Variants in KIF26B observed in about 807,000 individuals in gnomAD.
The protein encoded by KIF26B is kinesin family member 26B, also known as kinesin-like protein KIF26B.
A neutral mutation model predicts 151.2 loss-of-function variants in KIF26B; 63 were observed. That is an observed-to-expected ratio of 0.42 (90% CI 0.34 to 0.51). The LOEUF (loss-of-function observed/expected upper bound fraction) is 0.51. Among genes scored for constraint, KIF26B ranks in the 20% least tolerant of loss-of-function variants. The pLI, the probability that KIF26B is intolerant of heterozygous loss-of-function variation, is 0.07. For synonymous variants in KIF26B, 1,357 were observed against 1,262.1 expected, an observed-to-expected ratio of 1.08 and a Z score of -1.59; for missense variants, 2,813 against 2,913.6, an observed-to-expected ratio of 0.97 and a Z score of 0.79.
At chr1:245,200,835 A>T (rs1280127780) in intron 2 of KIF26B, among the ~76,000 whole-genome samples, 1 of 152,198 alleles carries the variant, frequency 6.6e-6, no homozygotes, top group East Asian at 1.9e-4. Context: ...ACGTTCTTAA[A>T]ATCACAATGT....
chr1:245,609,457 G>T lies in KIF26B; in HGVS notation c.1843G>T (p.Ala615Ser), dbSNP rs1373603059. The T allele has an allele frequency of 3.7e-6, 6 of 1,603,478 alleles. No homozygotes were observed. Among genetic ancestry groups the T allele is most frequent in the Non-Finnish European group, 5.1e-6 (6 of 1,175,070 alleles). The change falls in exon 8 of 15, where the codon GCC (alanine) becomes TCC (serine). Residue 615 changes from alanine (A) to serine (S), a missense_variant. By Grantham distance (99) the Ala-to-Ser change is moderately conservative. Transcript: ENST00000407071. ...ENLRDLLSEV[A>S]TGSLQDGQSP... ...CCTGCGGGACCTGCTGTCGGAGGTGGCCACGGGCAGCCTGCAGGACGGCCA... is the reference window on the plus strand; with the variant it reads ...CCTGCGGGACCTGCTGTCGGAGGTGTCCACGGGCAGCCTGCAGGACGGCCA...
At chr1:245,163,067 A>G (rs1329844986) in intron 2 of KIF26B, among the ~76,000 whole-genome samples, 5 of 152,182 alleles carry the variant, frequency 3.3e-5, no homozygotes, top group African/African-American at 4.8e-5. Context: ...TCTTCTTGTG[A>G]AAAAAAGAAT....
intron 4 of KIF26B, among the ~76,000 whole-genome samples, chr1:245,421,074 G>T (rs1658473527): frequency 6.6e-6 from 1 of 152,184 alleles, no homozygotes; most frequent in South Asian, 2.1e-4. Flanking sequence ...CCAACAATGG[G>T]GACCATTGTG....
chr1:245,389,739 A>G (rs1673639652), intron 3 of KIF26B, among the ~76,000 whole-genome samples: 2 of 152,222 alleles, frequency 1.3e-5, no homozygotes, highest in African/African-American at 2.4e-5. Flanking sequence ...TTTAAATTAA[A>G]TGGTACATGC....
intron 2 of KIF26B, among the ~76,000 whole-genome samples, chr1:245,157,441 A>G (rs1211332567): frequency 6.6e-6 from 1 of 152,260 alleles, no homozygotes; most frequent in Admixed American, 6.5e-5. Flanking sequence ...TCAAGGAAAT[A>G]GAGTGGATTG....
In KIF26B at chr1:245,218,020, C is replaced by T. The variant is rs1469668283; in HGVS notation, c.465+61337C>T. 6.6e-6 allele frequency among the ~76,000 whole-genome samples: 1 copy of T among 152,162 alleles called. No homozygotes were observed. The highest frequency in any genetic ancestry group is 2.4e-5 in the African/African-American group (1 of 41,442). ...CTTAGTCCTGCATTCTTTCCAAAGC[C>T]CCCATGCGGTGACTCAGTATTTGGC... On this transcript the variant is annotated intron_variant, in intron 2 of 14. Coordinates refer to ENST00000407071, the MANE Select transcript of KIF26B (RefSeq NM_018012.4). The surrounding 1 kb of genome is among the most constrained non-coding windows in gnomAD (Gnocchi z 4.1).
rs145993864 is a variant in KIF26B at position 245,234,170 on chromosome 1, C to T, written c.465+77487C>T. Reference sequence around the variant, plus strand: ...CTGCACTTCAGCCTGGCCTTTAGAACGAGACTCCCTCTTAAAAAAAAAAAG... The same window carrying T: ...CTGCACTTCAGCCTGGCCTTTAGAATGAGACTCCCTCTTAAAAAAAAAAAG... On this transcript the variant is annotated intron_variant, in intron 2 of 14. Coordinates refer to ENST00000407071, the MANE Select transcript of KIF26B (RefSeq NM_018012.4). Among the ~76,000 whole-genome samples the T allele has an allele frequency of 1.8e-3, 277 of 151,068 alleles. 1 individual carries two copies. Among genetic ancestry groups the T allele is most frequent in the African/African-American group, 6.4e-3 (263 of 41,038 alleles).
chr1:245,633,964 C>A (rs1032202564), intron 9 of KIF26B, among the ~76,000 whole-genome samples: 3 of 152,132 alleles, frequency 2.0e-5, no homozygotes, highest in Non-Finnish European at 2.9e-5. Context: ...TGACATCATA[C>A]CCAGCTAATT....
intron 9 of KIF26B, 78 bp downstream of exon 9, chr1:245,612,054 TTGTGTGTGTGTGTGTG>T (rs5782359): frequency 6.0e-4 from 406 of 677,560 alleles, no homozygotes; most frequent in East Asian, 1.2e-3. Flanking sequence ...ACCATGACCT[TTGTGTGTGTGTGTGTG>T]TGTGTGTGTG....
intron 2 of KIF26B, among the ~76,000 whole-genome samples, chr1:245,197,653 A>T (rs1443585798): frequency 2.0e-5 from 3 of 152,212 alleles, no homozygotes; most frequent in Non-Finnish European, 4.4e-5. Flanking sequence ...ATAAAAATGT[A>T]TGAGTAATAC....
intron 2 of KIF26B, among the ~76,000 whole-genome samples, chr1:245,319,237 TG>T (rs1364593790): frequency 2.6e-5 from 4 of 152,264 alleles, no homozygotes; most frequent in Non-Finnish European, 5.9e-5. Context: ...TCCATCCTTG[TG>T]CTTTTATCTC....
intron 2 of KIF26B, among the ~76,000 whole-genome samples, chr1:245,178,574 C>G (rs542513467): frequency 6.6e-6 from 1 of 152,178 alleles, no homozygotes; most frequent in Non-Finnish European, 1.5e-5. Context: ...CACCATCCAC[C>G]CACTTCCATC....
At chr1:245,323,697 T>C (rs1671929122) in intron 2 of KIF26B, among the ~76,000 whole-genome samples, 1 of 152,248 alleles carries the variant, frequency 6.6e-6, no homozygotes, top group African/African-American at 2.4e-5. Context: ...GTACCACCTG[T>C]TCATGTAGTC....
At chr1:245,391,655 CAAA>C (rs11363343) in intron 3 of KIF26B, among the ~76,000 whole-genome samples, 22 of 88,526 alleles carry the variant, frequency 2.5e-4, no homozygotes, top group East Asian at 3.0e-4. Flanking sequence ...GACCCTGACT[CAAA>C]AAAAAAAAAA....
In KIF26B at chr1:245,215,293, G is replaced by A. The variant is rs867764599; in HGVS notation, c.465+58610G>A. Among the ~76,000 whole-genome samples, 7 of 152,142 alleles carry A rather than the reference G, an allele frequency of 4.6e-5. No homozygotes were observed. In the South Asian group the frequency reaches 1.5e-3, roughly 32 times the overall value. ...ACCAGCCAGGTGCCCTCCAGCCAGC[G>A]GCCCCAGCATGACACGGTCCAGGTA... On this transcript the variant is annotated intron_variant, in intron 2 of 14. Transcript: ENST00000407071.
chr1:245,199,793 A>G (rs1669265328), intron 2 of KIF26B, among the ~76,000 whole-genome samples: 1 of 149,834 alleles, frequency 6.7e-6, no homozygotes, highest in Non-Finnish European at 1.5e-5. Flanking sequence ...CCATGTATCC[A>G]CATATCTACT....
chr1:245,182,837 G>A (rs1045466977), intron 2 of KIF26B, among the ~76,000 whole-genome samples: 2 of 152,046 alleles, frequency 1.3e-5, no homozygotes, highest in East Asian at 1.9e-4. Flanking sequence ...GGGTTTCACC[G>A]TGTTAGCCAG....
chr1:245,313,995 T>G (rs1433751173), intron 2 of KIF26B, among the ~76,000 whole-genome samples: 2 of 152,158 alleles, frequency 1.3e-5, no homozygotes. Flanking sequence ...CCTCTCGCTC[T>G]CCGCACCTGC....
At chr1:245,552,540 T>C (rs1469707715) in intron 5 of KIF26B, among the ~76,000 whole-genome samples, 2 of 152,110 alleles carry the variant, frequency 1.3e-5, no homozygotes, top group Non-Finnish European at 2.9e-5. Context: ...CTGGTTTCCA[T>C]TCTGTTGCGA....
Sources: allele counts gnomAD v4.1 joint callset (sites outside exome capture counted in the v4.1 genomes callset), GRCh38; gene constraint gnomAD v4.1.1; non-coding constraint Gnocchi (gnomAD v3.1); transcripts MANE v1.5; gene names NCBI Gene and HGNC (gene_info 2026-07-23, HGNC 2026-07-21).